The following SNX10 variants were observed in gnomAD, a reference collection of about 807,000 sequenced individuals.
SNX10 encodes sorting nexin-10.
A neutral mutation model predicts 28.5 loss-of-function variants in SNX10; 25 were observed. The observed-to-expected ratio is 0.88, with a 90% CI of 0.64 to 1.22. SNX10 has a LOEUF of 1.22. Among genes scored for constraint, SNX10 ranks in the 50% most tolerant of loss-of-function variants. The pLI is 0.00. For missense variants in SNX10, 223 were observed against 242.6 expected (o/e 0.92, Z 0.54); for synonymous variants, 62 against 81.4 (o/e 0.76, Z 1.28).
Position 26,370,150 on chromosome 7 carries a change from C to T in SNX10, c.312-1671C>T, listed in dbSNP as rs551874682. Among the ~76,000 whole-genome samples the T allele has an allele frequency of 4.6e-5, 7 of 152,276 alleles. No homozygotes were observed. In the East Asian group the frequency reaches 1.3e-3, roughly 29 times the overall value. On this transcript the variant is annotated intron_variant, in intron 5 of 6. Coordinates refer to ENST00000338523, the MANE Select transcript of SNX10 (RefSeq NM_013322.3). ...CTTGTACTTATGGCAGGCAGGAAACCGCTGACAGAGGCCACAGGAAACACT... is the reference window on the plus strand; with the variant it reads ...CTTGTACTTATGGCAGGCAGGAAACTGCTGACAGAGGCCACAGGAAACACT...
chr7:26,351,814 G>A (rs1299821543), intron 2 of SNX10, among the ~76,000 whole-genome samples: 1 of 151,598 alleles, frequency 6.6e-6, no homozygotes, highest in Non-Finnish European at 1.5e-5. Context: ...CTGCCACCAC[G>A]CCCAGCCAAT....
At chr7:26,335,565 AGGAG>A (rs200492333) in intron 1 of SNX10, among the ~76,000 whole-genome samples, 25,852 of 151,868 alleles carry the variant, frequency 0.17, 2,523 homozygotes, top group South Asian at 0.41. Flanking sequence ...GATCTGCCCT[AGGAG>A]CAGGACCTTG....
At chr7:26,362,887 C>G (rs2699808) in intron 3 of SNX10, among the ~76,000 whole-genome samples, 67,520 of 151,988 alleles carry the variant, frequency 0.44, 15,756 homozygotes, top group Middle Eastern at 0.6. Flanking sequence ...ACTTATGGAT[C>G]GACCTTAGTC....
In SNX10 at chr7:26,364,242, TC is replaced by T. The variant is rs1789202279; in HGVS notation, c.112-292del. ...TTAGGATTTATTTTTTATGATTTAT[TC>T]TTGAAAGCAGTGCTCATAGGTGAGT... is the stretch of plus-strand genomic sequence containing the variant. On this transcript the variant is annotated intron_variant, in intron 3 of 6. Transcript: ENST00000338523. This position sits in a 1 kb window ranked among gnomAD's most constrained non-coding sequence, Gnocchi z 4.9. 2 of 723,832 alleles carry T rather than the reference TC, an allele frequency of 2.8e-6. No individual in the cohort carries two copies. The highest frequency in any genetic ancestry group is 3.7e-5 in the African/African-American group (2 of 53,732). The allele number at this position is 723,832 out of a possible 1,614,324, so 44.8% of individuals were successfully genotyped here.
At chr7:26,319,036 C>G (rs1787208606) in intron 1 of SNX10, among the ~76,000 whole-genome samples, 1 of 152,162 alleles carries the variant, frequency 6.6e-6, no homozygotes, top group African/African-American at 2.4e-5. Context: ...TTGATGCTGC[C>G]TTTCAAGCTA....
At chr7:26,308,205 C>G (rs536479436) in intron 1 of SNX10, among the ~76,000 whole-genome samples, 1 of 152,222 alleles carries the variant, frequency 6.6e-6, no homozygotes, top group Admixed American at 6.5e-5. Flanking sequence ...TGCTGACTTT[C>G]TCCTGTTCTC....
In SNX10 at chr7:26,346,206, T is replaced by G. The variant is rs10951130; in HGVS notation, c.-23-214T>G. Among the ~76,000 whole-genome samples, 30,961 of 152,020 alleles carry G rather than the reference T, an allele frequency of 0.2. 3,630 individuals are homozygous for G. Among genetic ancestry groups the G allele is most frequent in the East Asian group, 0.45 (2,311 of 5,144 alleles). On this transcript the variant is annotated intron_variant, in intron 1 of 6. Transcript: ENST00000338523. ...GTCATCATCCAGCTGCCTTGGACTC[T>G]TTGGGGTCCAGACTCCTAACCCCTG...
At chr7:26,304,118 C>A (rs891622511) in intron 1 of SNX10, among the ~76,000 whole-genome samples, 11 of 152,150 alleles carry the variant, frequency 7.2e-5, no homozygotes, top group Admixed American at 3.3e-4. Flanking sequence ...GTGCACTGTG[C>A]AGATTAGGGC....
chr7:26,292,929 C>G (rs1441736871), intron 1 of SNX10: 1 of 152,314 alleles, frequency 6.6e-6, no homozygotes, highest in Admixed American at 6.5e-5. Flanking sequence ...ACTTCCACCC[C>G]GGAGTTATGT....
chr7:26,371,261 A>G (rs1315469267), intron 5 of SNX10, among the ~76,000 whole-genome samples: 4 of 152,146 alleles, frequency 2.6e-5, no homozygotes, highest in Middle Eastern at 3.2e-3. Context: ...TTTTGGAGAA[A>G]TTTACAGTTA....
intron 1 of SNX10, among the ~76,000 whole-genome samples, chr7:26,302,428 C>A (rs1786407267): frequency 6.6e-6 from 1 of 152,014 alleles, no homozygotes; most frequent in South Asian, 2.1e-4. Flanking sequence ...CCTCTGCAGC[C>A]CCAAGACAAC....
chr7:26,372,114 TAC>T, intron 6 of SNX10, 81 bp downstream of exon 6: 4 of 890,132 alleles, frequency 4.5e-6, no homozygotes, highest in South Asian at 3.3e-5. Context: ...TAGATATATA[TAC>T]ACACTTCACT....
chr7:26,322,325 C>T (rs1174201513), intron 1 of SNX10, among the ~76,000 whole-genome samples: 3 of 152,068 alleles, frequency 2.0e-5, no homozygotes. Context: ...GCATTAACAC[C>T]TCCCCAAACC....
chr7:26,361,671 A>G (rs1266736040), intron 3 of SNX10, among the ~76,000 whole-genome samples: 1 of 152,246 alleles, frequency 6.6e-6, no homozygotes, highest in Non-Finnish European at 1.5e-5. Context: ...ACTTCTCTGT[A>G]AAGGTAGTAA....
chr7:26,338,423 C>G (rs1258775171), intron 1 of SNX10, among the ~76,000 whole-genome samples: 1 of 151,858 alleles, frequency 6.6e-6, no homozygotes, highest in Non-Finnish European at 1.5e-5. Context: ...TGTGGGAGAC[C>G]AGCGTTGTTG....
intron 1 of SNX10, among the ~76,000 whole-genome samples, chr7:26,325,102 C>T (rs1217427864): frequency 6.6e-6 from 1 of 151,432 alleles, no homozygotes; most frequent in East Asian, 1.9e-4. Context: ...CATGAAAGAA[C>T]GGGCTAGCAT....
At position 26,361,460 on chromosome 7, in the gene SNX10, G is replaced by C. The variant is rs578248741; in HGVS notation, c.111+399G>C. ...AGAGTTCTTTGGAAAAGAGATGTGT[G>C]GTGTTTTATATATAGAATCAGAAGG... On this transcript the variant is annotated intron_variant, in intron 3 of 6. Transcript: ENST00000338523. Among the ~76,000 whole-genome samples the C allele has an allele frequency of 1.5e-4, 23 of 152,236 alleles. No individual in the cohort carries two copies. The South Asian group carries it at 4.8e-3, about 32-fold the overall frequency.
intron 1 of SNX10, among the ~76,000 whole-genome samples, chr7:26,294,090 CAG>C (rs1450510387): frequency 6.6e-6 from 1 of 152,194 alleles, no homozygotes; most frequent in Non-Finnish European, 1.5e-5. Flanking sequence ...TGGTTGAGAA[CAG>C]GGGCCAGTCT....
chr7:26,322,642 G>A (rs556875729), intron 1 of SNX10, among the ~76,000 whole-genome samples: 1 of 152,318 alleles, frequency 6.6e-6, no homozygotes, highest in Admixed American at 6.5e-5. Flanking sequence ...CGTTGATGTT[G>A]TGTACTCAGA....
Sources: gnomAD v4.1 joint callset for allele counts (sites outside exome capture counted in the v4.1 genomes callset) on GRCh38, gnomAD v4.1.1 for gene constraint, Gnocchi (gnomAD v3.1) non-coding constraint, MANE v1.5 for transcripts, NCBI Gene and HGNC (gene_info 2026-07-23, HGNC 2026-07-21) for gene names.